NPR3: variants seen among roughly 807,000 people sequenced by gnomAD.
The protein encoded by NPR3 is natriuretic peptide receptor 3, also known as atrial natriuretic peptide receptor 3.
A neutral mutation model predicts 54.5 loss-of-function variants in NPR3; 34 were observed. That is an observed-to-expected ratio of 0.62 (90% CI 0.47 to 0.83). NPR3 has a LOEUF of 0.83. NPR3 is among the 40% of genes least tolerant of loss of function. The pLI is 0.00. For missense variants in NPR3, 674 were observed against 720.8 expected (o/e 0.94, Z 0.74); for synonymous variants, 289 against 297.1 (o/e 0.97, Z 0.28).
chr5:32,740,804 A>G (rs916619837), intron 3 of NPR3, among the ~76,000 whole-genome samples: 3 of 152,178 alleles, frequency 2.0e-5, no homozygotes, highest in African/African-American at 2.4e-5. Flanking sequence ...TGGGCCACAC[A>G]TGACTAGTGG....
Position 32,786,312 on chromosome 5 carries a change from A to C in NPR3, c.1593A>C (p.Glu531Asp). The change falls in exon 8 of 8, where the codon GAA becomes GAC. Residue 531 changes from glutamate (E) to aspartate (D), a missense_variant. Glu to Asp is a conservative substitution (Grantham distance 45). Transcript: ENST00000265074. ...TTGGAAAACATCGGGAATTACGGGAAGATTCCATCAGATCCCATTTTTCAG... is the reference window on the plus strand; with the variant it reads ...TTGGAAAACATCGGGAATTACGGGACGATTCCATCAGATCCCATTTTTCAG... ...SNLGKHRELREDSIRSHFSVA is the reference protein window; with the variant it reads ...SNLGKHRELRDDSIRSHFSVA 6.3e-7 allele frequency: 1 copy of C among 1,575,880 alleles called. No individual in the cohort carries two copies. Among genetic ancestry groups the C allele is most frequent in the South Asian group, 1.1e-5 (1 of 86,958 alleles).
At chr5:32,747,864 T>C (rs998333843) in intron 3 of NPR3, among the ~76,000 whole-genome samples, 19 of 152,030 alleles carry the variant, frequency 1.2e-4, no homozygotes, top group Admixed American at 1.2e-3. Context: ...TAATAGATCC[T>C]TCCACCTCAA....
At position 32,789,696 on chromosome 5, in the gene NPR3, T is replaced by A. The variant is rs1010197169; in HGVS notation, c.*3351T>A. The A allele has an allele frequency of 1.3e-5, 7 of 534,622 alleles. No homozygotes were observed. The highest frequency in any genetic ancestry group is 2.7e-5 in the Non-Finnish European group (7 of 260,106). The allele number at this position is 534,622 out of a possible 1,614,324, so 33.1% of individuals were successfully genotyped here. The stretch of plus-strand genomic sequence containing the variant: ...TTGCCCCAAATGCATCACTTTCCTT[T>A]TAGTTATGGCTGATTTTGGGTGTGT... On this transcript the variant is annotated 3_prime_UTR_variant, in exon 8 of 8. Transcript: ENST00000265074.
At chr5:32,704,374 G>A (rs1401741356) in intron 1 of NPR3, among the ~76,000 whole-genome samples, 1 of 144,512 alleles carries the variant, frequency 6.9e-6, no homozygotes, top group African/African-American at 2.8e-5. Context: ...GGCTCTTTGT[G>A]TGTGTGTGTG....
rs189321609 is a variant in NPR3 at position 32,751,774 on chromosome 5, G to A, written c.1059+12744G>A. ...AGCAGGTGGTTTATCTAGCCAAGGTGTTTGAAAGGGACTGGATTTAAAAAG... is the reference window on the plus strand; with the variant it reads ...AGCAGGTGGTTTATCTAGCCAAGGTATTTGAAAGGGACTGGATTTAAAAAG... On this transcript the variant is annotated intron_variant, in intron 3 of 7. Transcript: ENST00000265074. Among the ~76,000 whole-genome samples the A allele has an allele frequency of 3.2e-4, 48 of 152,268 alleles. 1 individual carries two copies. Among genetic ancestry groups the A allele is most frequent in the Admixed American group, 2.8e-3 (43 of 15,284 alleles).
chr5:32,695,442 G>C lies in NPR3; in HGVS notation c.100+6256G>C, dbSNP rs1327494117. Reference sequence around the variant, plus strand: ...ACCACGCCCGCCCGGCTAATTTTTTGTACTTTTAGTAGAGACGGAGTTTCA... The same window carrying C: ...ACCACGCCCGCCCGGCTAATTTTTTCTACTTTTAGTAGAGACGGAGTTTCA... On this transcript the variant is annotated intron_variant, in intron 1 of 5. Coordinates refer to the NPR3 transcript ENST00000509104. 3.9e-5 allele frequency among the ~76,000 whole-genome samples: 6 copies of C among 152,084 alleles called. No individual in the cohort carries two copies. In the East Asian group the frequency reaches 1.2e-3, roughly 29 times the overall value.
intron 3 of NPR3, among the ~76,000 whole-genome samples, chr5:32,773,954 GTGTTTA>G (rs1428426991): frequency 1.3e-5 from 2 of 152,210 alleles, no homozygotes; most frequent in Non-Finnish European, 2.9e-5. Context: ...CACATGACCA[GTGTTTA>G]TGTTTATGAA....
intron 6 of NPR3, 140 bp from the exon 7 acceptor site, chr5:32,784,656 G>T (rs1403797030): frequency 1.1e-5 from 7 of 643,562 alleles, no homozygotes; most frequent in Non-Finnish European, 1.9e-5. Context: ...AACAAGTGTA[G>T]GGTCCCTTAG....
At chr5:32,719,996 A>G (rs1339676059) in intron 1 of NPR3, among the ~76,000 whole-genome samples, 3 of 152,182 alleles carry the variant, frequency 2.0e-5, no homozygotes, top group African/African-American at 7.2e-5. Flanking sequence ...GAATATGAAT[A>G]TATCCTTATT....
At chr5:32,767,388 G>A (rs1194195728) in intron 3 of NPR3, among the ~76,000 whole-genome samples, 3 of 152,164 alleles carry the variant, frequency 2.0e-5, no homozygotes, top group Admixed American at 6.5e-5. Flanking sequence ...ATCTATGAAT[G>A]TTTTGTAAGG....
chr5:32,780,759 C>G lies in NPR3; in HGVS notation c.1233C>G (p.Asp411Glu), dbSNP rs372821018. ...AGQVSIDANGDRYGDFSVIAM... is the reference protein window; with the variant it reads ...AGQVSIDANGERYGDFSVIAM... ...AGGTGTCCATAGATGCCAACGGAGA[C>G]CGATATGGGGATTTCTCTGTGATTG... Residue 411 changes from aspartate to glutamate, a missense_variant, in exon 5 of 8, where the codon GAC becomes GAG. By Grantham distance (45) the Asp-to-Glu change is conservative. Transcript: ENST00000265074. 5 of 1,602,036 alleles carry G rather than the reference C, an allele frequency of 3.1e-6. No individual in the cohort carries two copies. Among genetic ancestry groups the G allele is most frequent in the Non-Finnish European group, 4.3e-6 (5 of 1,169,222 alleles).
At chr5:32,726,233 G>T (rs1739130431) in intron 2 of NPR3, among the ~76,000 whole-genome samples, 1 of 152,140 alleles carries the variant, frequency 6.6e-6, no homozygotes, top group South Asian at 2.1e-4. Flanking sequence ...ATACTCCCCG[G>T]TTTCCTGCCC....
intron 1 of NPR3, among the ~76,000 whole-genome samples, chr5:32,692,183 T>C (rs818126): frequency 0.71 from 107,370 of 152,042 alleles, 38,749 homozygotes; most frequent in African/African-American, 0.81. Context: ...AAAAAAGAAC[T>C]CGAAGTGATT....
chr5:32,739,191 T>A (rs1048040348), intron 3 of NPR3, among the ~76,000 whole-genome samples, 161 bp downstream of exon 3: 86 of 151,658 alleles, frequency 5.7e-4, no homozygotes, highest in African/African-American at 1.8e-3. Context: ...GTGTTTTTTT[T>A]TTTTCCTTTC....
intron 1 of NPR3, among the ~76,000 whole-genome samples, chr5:32,700,670 G>A (rs1315884308): frequency 2.0e-5 from 3 of 151,918 alleles, no homozygotes; most frequent in Non-Finnish European, 4.4e-5. Flanking sequence ...CCTTGTGATA[G>A]TTTGCTGAGA....
intron 3 of NPR3, among the ~76,000 whole-genome samples, chr5:32,770,631 A>G (rs1329553623): frequency 1.3e-5 from 2 of 152,156 alleles, no homozygotes; most frequent in African/African-American, 4.8e-5. Flanking sequence ...AGCGAGGCCC[A>G]TGTCATAACT....
chr5:32,781,643 G>T (rs1386561684), intron 5 of NPR3, among the ~76,000 whole-genome samples: 4 of 152,188 alleles, frequency 2.6e-5, no homozygotes, highest in African/African-American at 9.7e-5. Flanking sequence ...TAGATGCCTG[G>T]CTCTTGTGGG....
chr5:32,750,277 G>A (rs757180497), intron 3 of NPR3, among the ~76,000 whole-genome samples: 8 of 152,012 alleles, frequency 5.3e-5, no homozygotes, highest in Non-Finnish European at 1.0e-4. Context: ...TACACGCGCC[G>A]GCTACCACGC....
chr5:32,744,158 A>G (rs1252290599), intron 3 of NPR3, among the ~76,000 whole-genome samples: 1 of 151,772 alleles, frequency 6.6e-6, no homozygotes, highest in Non-Finnish European at 1.5e-5. Context: ...ACGCCTGGCT[A>G]ATTTTTGTAT....
Sources: allele counts gnomAD v4.1 joint callset (sites outside exome capture counted in the v4.1 genomes callset), GRCh38; gene constraint gnomAD v4.1.1; transcripts MANE v1.5; gene names NCBI Gene and HGNC (gene_info 2026-07-23, HGNC 2026-07-21).